TMX2: variants seen among roughly 807,000 people sequenced by gnomAD.
TMX2 encodes thioredoxin-related transmembrane protein 2.
Under a neutral mutation model 33.4 loss-of-function variants are expected in TMX2, and 20 were observed. The observed-to-expected ratio is 0.60, with a 90% confidence interval of 0.42 to 0.87. TMX2 has a LOEUF of 0.87. Ranked by LOEUF, TMX2 falls within the 40% of genes least tolerant of loss-of-function variation. The pLI is 0.00. For missense variants in TMX2, 340 were observed against 370.7 expected, an observed-to-expected ratio of 0.92 and a Z score of 0.68; for synonymous variants, 166 against 140.7, an observed-to-expected ratio of 1.18 and a Z score of -1.27.
chr11:57,729,565 C>T (rs1948223099), intron 1 of TMX2, among the ~76,000 whole-genome samples: 1 of 152,134 alleles, frequency 6.6e-6, no homozygotes, highest in Non-Finnish European at 1.5e-5. Context: ...ACTTTCTCTT[C>T]TTACCTTATG....
chr11:57,738,171 T>C (rs1304123960), intron 3 of TMX2, 145 bp downstream of exon 3: 1 of 749,394 alleles, frequency 1.3e-6, no homozygotes. Context: ...ATGAATTATA[T>C]ATGTAGCTCA....
At position 57,739,170 on chromosome 11, in the gene TMX2, T is replaced by C. The variant is rs747139948; in HGVS notation, c.654T>C (p.Pro218=). ...VSTSPLTKQL[P]TLILFQGGKE... is the part of the protein sequence containing the mutation. The stretch of plus-strand genomic sequence containing the variant: ...CATCACCCCTCACCAAGCAACTCCC[T>C]ACCCTGATCCTGTTCCAAGGTGGCA... The change falls in exon 7 of 8, where the codon CCT becomes CCC. Residue 218 remains proline (P), a synonymous_variant. Coordinates refer to ENST00000278422, the MANE Select transcript of TMX2 (RefSeq NM_015959.4). 8 of 1,614,124 alleles carry C rather than the reference T, an allele frequency of 5.0e-6. No individual in the cohort carries two copies. The highest frequency in any genetic ancestry group is 3.3e-5 in the Admixed American group (2 of 60,012).
At chr11:57,721,853 G>T (rs182012392) in intron 1 of TMX2, among the ~76,000 whole-genome samples, 131 of 152,208 alleles carry the variant, frequency 8.6e-4, no homozygotes, top group Middle Eastern at 6.8e-3. Flanking sequence ...AATACGTGGG[G>T]GGCTGCTAAT....
chr11:57,715,364 G>A (rs1590895608), intron 1 of TMX2, among the ~76,000 whole-genome samples: 2 of 152,086 alleles, frequency 1.3e-5, no homozygotes, highest in African/African-American at 4.8e-5. Context: ...TCGTGCCATT[G>A]CACTCCAGCC....
At chr11:57,721,035 A>T in intron 1 of TMX2, among the ~76,000 whole-genome samples, 1 of 146,858 alleles carries the variant, frequency 6.8e-6, no homozygotes, top group Non-Finnish European at 1.5e-5. Context: ...CAGGCCAGGT[A>T]CGGTGGCTGT....
rs527592259 is a variant in TMX2, at chr11:57,720,872, A to G, written c.189+8065A>G. On this transcript the variant is annotated intron_variant, in intron 1 of 7. Coordinates refer to ENST00000278422, the MANE Select transcript of TMX2 (RefSeq NM_015959.4). ...TTTTGCAGGCCCTTCAGGGGATCCA[A>G]AACAAGCAGTTTGAGTGTACAAAGA... is the stretch of plus-strand genomic sequence containing the variant. Among the ~76,000 whole-genome samples the G allele has an allele frequency of 5.9e-5, 9 of 152,346 alleles. No homozygotes were observed. The East Asian group carries it at 1.7e-3, about 29-fold the overall frequency.
intron 2 of TMX2, 103 bp downstream of exon 2, chr11:57,737,771 A>C (rs1948843111): frequency 6.3e-7 from 1 of 1,577,762 alleles, no homozygotes; most frequent in African/African-American, 1.3e-5. Context: ...AATTTGTCCT[A>C]CGTTTAATTC....
chr11:57,735,395 G>C (rs1948684553), intron 1 of TMX2, among the ~76,000 whole-genome samples: 2 of 152,056 alleles, frequency 1.3e-5, no homozygotes, highest in South Asian at 4.2e-4. Flanking sequence ...ATTTTTAGTA[G>C]AGACGGGGTT....
chr11:57,713,982 G>C (rs1186188609), intron 1 of TMX2, among the ~76,000 whole-genome samples: 2 of 152,208 alleles, frequency 1.3e-5, no homozygotes, highest in Non-Finnish European at 2.9e-5. Flanking sequence ...TGTCTTCTTT[G>C]ACAGGTCTGG....
chr11:57,739,738 C>G (rs1948974887), intron 7 of TMX2, among the ~76,000 whole-genome samples: 3 of 149,002 alleles, frequency 2.0e-5, no homozygotes, highest in African/African-American at 7.5e-5. Context: ...GCCTGGGCAA[C>G]AAGAGACTCC....
rs144033273 is a variant in TMX2, at chr11:57,738,670, C to G, written c.448C>G (p.Leu150Val). ...YFNDKTIDEE[L>V]ERDKRVTWIV... is the part of the protein sequence containing the mutation. ...TCTTCCCTGTATTTGGCAGGAGGAA[C>G]TAGAACGGGACAAGAGGGTCACTTG... is the stretch of plus-strand genomic sequence containing the variant. The change falls in exon 5 of 8, where the codon CTA (leucine) becomes GTA (valine). Residue 150 changes from leucine (L) to valine (V), a missense_variant. This residue lies in a region of TMX2 where 209 missense variants were observed against 241.6 expected (regional missense o/e 0.87). Coordinates refer to ENST00000278422, the MANE Select transcript of TMX2 (RefSeq NM_015959.4). The G allele has an allele frequency of 1.9e-6, 3 of 1,613,692 alleles. No individual in the cohort carries two copies. Among genetic ancestry groups the G allele is most frequent in the Non-Finnish European group, 2.5e-6 (3 of 1,179,928 alleles).
rs757544083 is a variant in TMX2 at position 57,739,018 on chromosome 11, G to A, written c.593G>A (p.Arg198His). The change falls in exon 6 of 8, where the codon CGC becomes CAC. Residue 198 changes from arginine to histidine, a missense_variant. Arg to His is a conservative substitution (Grantham distance 29, BLOSUM62 0). Coordinates refer to ENST00000278422, the MANE Select transcript of TMX2 (RefSeq NM_015959.4). ...GLNFGKVDVGRYTDVSTRYKV... is the reference protein window; with the variant it reads ...GLNFGKVDVGHYTDVSTRYKV... ...AATTTTGGGAAGGTGGATGTTGGAC[G>A]CTATACTGATGTTAGTACGCGGTAT... 1 of 1,613,984 alleles carries A rather than the reference G, an allele frequency of 6.2e-7. No individual in the cohort carries two copies. The highest frequency in any genetic ancestry group is 8.5e-7 in the Non-Finnish European group (1 of 1,180,020).
At chr11:57,739,779 G>A (rs540768418) in intron 7 of TMX2, among the ~76,000 whole-genome samples, 30 of 152,022 alleles carry the variant, frequency 2.0e-4, no homozygotes, top group African/African-American at 6.3e-4. Context: ...ATTCTGTCTC[G>A]AAGGCCACTG....
intron 1 of TMX2, among the ~76,000 whole-genome samples, chr11:57,721,153 T>C (rs1477686225): frequency 6.6e-6 from 1 of 151,844 alleles, no homozygotes; most frequent in African/African-American, 2.4e-5. Flanking sequence ...ATACAAAATA[T>C]TAGCCGGGTG....
chr11:57,725,751 A>AG (rs1392429623), intron 1 of TMX2, among the ~76,000 whole-genome samples: 7 of 151,968 alleles, frequency 4.6e-5, no homozygotes, highest in Non-Finnish European at 7.4e-5. Flanking sequence ...GAAAAAAAAA[A>AG]GGTCAAGATT....
intron 1 of TMX2, among the ~76,000 whole-genome samples, chr11:57,726,331 T>C (rs1458778600): frequency 6.6e-6 from 1 of 152,012 alleles, no homozygotes; most frequent in Non-Finnish European, 1.5e-5. Flanking sequence ...GAGAATTGCT[T>C]GAACCCGGGA....
chr11:57,723,092 T>C (rs1377314219), intron 1 of TMX2, among the ~76,000 whole-genome samples: 7 of 151,844 alleles, frequency 4.6e-5, no homozygotes, highest in African/African-American at 1.2e-4. Context: ...CCCTGGAGGA[T>C]AGAGCAAGAC....
intron 1 of TMX2, among the ~76,000 whole-genome samples, chr11:57,729,279 AAG>A (rs1450120146): frequency 2.0e-5 from 3 of 152,212 alleles, no homozygotes; most frequent in Non-Finnish European, 4.4e-5. Context: ...ATTAAGAAAA[AAG>A]AGTCCTAAGG....
intron 1 of TMX2, chr11:57,718,032 C>A: frequency 2.9e-6 from 3 of 1,039,112 alleles, no homozygotes; most frequent in Non-Finnish European, 4.5e-6. Context: ...CAAAACAAGT[C>A]AAACTTACTA....
Sources: gnomAD v4.1 joint callset for allele counts (sites outside exome capture counted in the v4.1 genomes callset) on GRCh38, gnomAD v4.1.1 for gene constraint, gnomAD v4.1.1 regional missense constraint, MANE v1.5 for transcripts, NCBI Gene and HGNC (gene_info 2026-07-23, HGNC 2026-07-21) for gene names.